Variants in PXDNL observed in about 807,000 individuals in gnomAD.
PXDNL encodes peroxidasin like.
A neutral mutation model predicts 150.8 loss-of-function variants in PXDNL; 145 were observed. The observed-to-expected ratio is 0.96, with a 90% CI of 0.84 to 1.10. The LOEUF (loss-of-function observed/expected upper bound fraction) is 1.10, where lower values mean the gene tolerates loss of function less well. Among genes scored for constraint, PXDNL ranks in the 50% least tolerant of loss-of-function variants. The pLI is 0.00. For missense variants in PXDNL, 2,087 were observed against 1,873.9 expected (o/e 1.11, Z -2.10); for synonymous variants, 757 against 725.7 (o/e 1.04, Z -0.69).
At chr8:51,515,164 C>T (rs546200431) in intron 4 of PXDNL, among the ~76,000 whole-genome samples, 1 of 152,122 alleles carries the variant, frequency 6.6e-6, no homozygotes, top group Admixed American at 6.5e-5. Flanking sequence ...GGGAAGGGGG[C>T]AAGGACAGTG....
chr8:51,368,928 A>G (rs1357137023), intron 19 of PXDNL, among the ~76,000 whole-genome samples: 1 of 152,108 alleles, frequency 6.6e-6, no homozygotes, highest in Non-Finnish European at 1.5e-5. Flanking sequence ...CCTGGGAGGC[A>G]GAAGTTGCAG....
intron 17 of PXDNL, among the ~76,000 whole-genome samples, chr8:51,404,093 T>C (rs1808360195): frequency 6.6e-6 from 1 of 152,232 alleles, no homozygotes; most frequent in Non-Finnish European, 1.5e-5. Flanking sequence ...GGTGGGTTCA[T>C]GGTCTCGCTG....
intron 20 of PXDNL, among the ~76,000 whole-genome samples, chr8:51,344,953 C>T (rs16916032): frequency 0.12 from 18,207 of 152,158 alleles, 1,558 homozygotes; most frequent in East Asian, 0.26. Flanking sequence ...ACACTATCTC[C>T]TCTCCTCAAT....
At chr8:51,681,502 G>C (rs1465125548) in intron 1 of PXDNL, among the ~76,000 whole-genome samples, 1 of 152,160 alleles carries the variant, frequency 6.6e-6, no homozygotes, top group Non-Finnish European at 1.5e-5. Flanking sequence ...GCTTTCCTGG[G>C]CAAGGGCCCT....
intron 1 of PXDNL, among the ~76,000 whole-genome samples, chr8:51,767,519 T>C (rs1252480518): frequency 6.6e-6 from 1 of 152,148 alleles, no homozygotes; most frequent in Non-Finnish European, 1.5e-5. Flanking sequence ...AACCAATCAG[T>C]CTCCCATGCT....
intron 1 of PXDNL, among the ~76,000 whole-genome samples, chr8:51,787,522 G>A (rs945889548): frequency 1.3e-5 from 2 of 152,232 alleles, no homozygotes; most frequent in Non-Finnish European, 2.9e-5. Flanking sequence ...AACTTCAGAT[G>A]TGGTAGAGAA....
intron 19 of PXDNL, among the ~76,000 whole-genome samples, chr8:51,367,132 C>G (rs959001721): frequency 8.0e-6 from 1 of 125,656 alleles, no homozygotes; most frequent in East Asian, 2.4e-4. Context: ...AAAAAAAATT[C>G]ATATAAAAGG....
chr8:51,414,604 A>T (rs774600369), intron 14 of PXDNL, among the ~76,000 whole-genome samples: 10 of 151,998 alleles, frequency 6.6e-5, no homozygotes, highest in Non-Finnish European at 1.3e-4. Flanking sequence ...CAAAAAATAC[A>T]TGGGATTGAT....
intron 4 of PXDNL, among the ~76,000 whole-genome samples, chr8:51,549,196 C>T (rs1273429428): frequency 6.6e-6 from 1 of 151,874 alleles, no homozygotes; most frequent in East Asian, 1.9e-4. Context: ...ATTACTAGAC[C>T]TAAGAAATGA....
chr8:51,617,444 C>T (rs185364499), intron 2 of PXDNL, among the ~76,000 whole-genome samples: 78 of 152,306 alleles, frequency 5.1e-4, no homozygotes, highest in African/African-American at 1.6e-3. Flanking sequence ...CTGTTAAATG[C>T]TATAAGTGTC....
intron 2 of PXDNL, among the ~76,000 whole-genome samples, chr8:51,651,691 G>A (rs960254239): frequency 3.3e-5 from 5 of 152,062 alleles, no homozygotes; most frequent in African/African-American, 1.2e-4. Context: ...TTTGTCCTTG[G>A]CATTTATTAG....
chr8:51,375,291 C>T lies in PXDNL; in HGVS notation c.3558-560G>A, dbSNP rs549289244. On this transcript the variant is annotated intron_variant, in intron 17 of 22. Transcript: ENST00000356297. ...GCAATTTTTAAAAACAACAAACAAA[C>T]AAAAAAGCACAATGCAAATGTTGAT... Among the ~76,000 whole-genome samples, 56 of 152,206 alleles carry T rather than the reference C, an allele frequency of 3.7e-4. 1 individual carries two copies. The South Asian group carries it at 4.1e-3, about 11-fold the overall frequency.
At chr8:51,498,830 G>C (rs1181545124) in intron 5 of PXDNL, among the ~76,000 whole-genome samples, 1 of 152,122 alleles carries the variant, frequency 6.6e-6, no homozygotes, top group Non-Finnish European at 1.5e-5. Flanking sequence ...GAATAAAATA[G>C]AACTATGCAA....
chr8:51,644,387 TATGTGTATATATATACAC>T (rs1372224010), intron 2 of PXDNL, among the ~76,000 whole-genome samples: 20 of 25,206 alleles, frequency 7.9e-4, no homozygotes, highest in Non-Finnish European at 1.3e-3. Flanking sequence ...TACACACACA[TATGTGTATATATATACAC>T]ATGTGTGTGT....
chr8:51,768,094 T>C (rs887711092), intron 1 of PXDNL, among the ~76,000 whole-genome samples: 37 of 152,062 alleles, frequency 2.4e-4, no homozygotes, highest in African/African-American at 8.7e-4. Flanking sequence ...GGGGTGAAAA[T>C]GAAGGGGATC....
chr8:51,612,209 T>C (rs1814022117), intron 2 of PXDNL, among the ~76,000 whole-genome samples: 1 of 152,116 alleles, frequency 6.6e-6, no homozygotes, highest in Non-Finnish European at 1.5e-5. Flanking sequence ...CGGCCTCCAC[T>C]CCTCCTCTCT....
chr8:51,549,576 A>T (rs1812438489), intron 4 of PXDNL, among the ~76,000 whole-genome samples: 1 of 152,190 alleles, frequency 6.6e-6, no homozygotes, highest in African/African-American at 2.4e-5. Flanking sequence ...TCTGCCCCTG[A>T]ATGATCTTTG....
At position 51,713,737 on chromosome 8, in the gene PXDNL, G is replaced by A. The variant is rs561766715; in HGVS notation, c.165-58977C>T. Among the ~76,000 whole-genome samples the A allele has an allele frequency of 3.9e-5, 6 of 152,216 alleles. No homozygotes were observed. In the South Asian group the frequency reaches 6.2e-4, roughly 16 times the overall value. ...CTGCTTGCCATTTTTTTGAGGAATC[G>A]TTTGTAGTATAAGAAGAGCTGATTA... On this transcript the variant is annotated intron_variant, in intron 1 of 22. Coordinates refer to ENST00000356297, the MANE Select transcript of PXDNL (RefSeq NM_144651.5).
intron 1 of PXDNL, among the ~76,000 whole-genome samples, chr8:51,742,868 G>A (rs2036922411): frequency 6.6e-6 from 1 of 152,106 alleles, no homozygotes; most frequent in African/African-American, 2.4e-5. Context: ...GGCAGATACT[G>A]TAAAGACAAT....
Sources: gnomAD v4.1 joint callset for allele counts (sites outside exome capture counted in the v4.1 genomes callset) on GRCh38, gnomAD v4.1.1 for gene constraint, MANE v1.5 for transcripts, NCBI Gene and HGNC (gene_info 2026-07-23, HGNC 2026-07-21) for gene names.